The following ITGA9 variants were observed in gnomAD, a reference collection of about 807,000 sequenced individuals.
ITGA9 encodes the protein integrin alpha-9.
Under a neutral mutation model 127.8 loss-of-function variants are expected in ITGA9, and 56 were observed. That is an observed-to-expected ratio of 0.44 (90% confidence interval 0.35 to 0.55). ITGA9 has a LOEUF of 0.55. Ranked by LOEUF, ITGA9 falls within the 20% of genes least tolerant of loss-of-function variation. The pLI is 0.00. For synonymous variants in ITGA9, 508 were observed against 514.5 expected (o/e 0.99, Z 0.17); for missense variants, 1,196 against 1,347.1 (o/e 0.89, Z 1.76).
chr3:37,488,589 G>C (rs1698635165), intron 4 of ITGA9, among the ~76,000 whole-genome samples: 1 of 152,058 alleles, frequency 6.6e-6, no homozygotes, highest in Non-Finnish European at 1.5e-5. Context: ...CTGAAGTCAG[G>C]AGTTCGAGAC....
chr3:37,480,770 C>T (rs539818315), intron 3 of ITGA9, among the ~76,000 whole-genome samples: 76 of 152,300 alleles, frequency 5.0e-4, no homozygotes, highest in Middle Eastern at 6.8e-3. Context: ...CCTGTCAGCT[C>T]TGAAGCCACC....
intron 18 of ITGA9, among the ~76,000 whole-genome samples, chr3:37,703,661 AG>A (rs1252396413): frequency 2.0e-5 from 3 of 152,234 alleles, no homozygotes; most frequent in Non-Finnish European, 4.4e-5. Context: ...TGCAAAAATA[AG>A]CAGAAAGCTT....
intron 7 of ITGA9, among the ~76,000 whole-genome samples, chr3:37,508,159 C>T (rs1698864661): frequency 6.6e-6 from 1 of 152,174 alleles, no homozygotes; most frequent in South Asian, 2.1e-4. Context: ...GTTGTAATGC[C>T]TGGTAAAGTC....
intron 15 of ITGA9, among the ~76,000 whole-genome samples, chr3:37,580,940 A>G (rs1470423948): frequency 1.3e-5 from 2 of 152,194 alleles, no homozygotes; most frequent in Non-Finnish European, 2.9e-5. Flanking sequence ...GACTCTCTAG[A>G]ATCTCACCTG....
intron 17 of ITGA9, among the ~76,000 whole-genome samples, chr3:37,659,989 C>CACAA (rs1292824313): frequency 2.0e-5 from 3 of 151,250 alleles, no homozygotes; most frequent in Non-Finnish European, 4.4e-5. Flanking sequence ...ATGTAACACA[C>CACAA]ACACACACAC....
intron 14 of ITGA9, among the ~76,000 whole-genome samples, chr3:37,538,110 G>A (rs1021758293): frequency 4.7e-4 from 72 of 152,216 alleles, no homozygotes; most frequent in Non-Finnish European, 1.8e-4. Flanking sequence ...AGTGTGAAAC[G>A]AAAACCAGGA....
intron 8 of ITGA9, among the ~76,000 whole-genome samples, chr3:37,511,791 G>T (rs1265091994): frequency 6.6e-6 from 1 of 152,142 alleles, no homozygotes; most frequent in Non-Finnish European, 1.5e-5. Context: ...AAGCCCTCCT[G>T]TGACCCTGTT....
At chr3:37,550,371 T>C (rs1699367520) in intron 15 of ITGA9, among the ~76,000 whole-genome samples, 1 of 152,220 alleles carries the variant, frequency 6.6e-6, no homozygotes, top group South Asian at 2.1e-4. Flanking sequence ...GGACCTTCTC[T>C]GTGTTAAGCA....
intron 25 of ITGA9, among the ~76,000 whole-genome samples, chr3:37,782,083 G>GA: frequency 6.6e-6 from 1 of 152,346 alleles, no homozygotes; most frequent in African/African-American, 2.4e-5. Context: ...AGGGAGGCTG[G>GA]AAAACCCCAC....
At chr3:37,636,512 A>T (rs976667985) in intron 16 of ITGA9, among the ~76,000 whole-genome samples, 8 of 151,992 alleles carry the variant, frequency 5.3e-5, no homozygotes, top group African/African-American at 1.7e-4. Context: ...GTTTGAGTTC[A>T]TTGTAGATTC....
chr3:37,647,533 A>G (rs1700389689), intron 16 of ITGA9, among the ~76,000 whole-genome samples: 1 of 151,582 alleles, frequency 6.6e-6, no homozygotes. Flanking sequence ...AATATTGTCA[A>G]CATAGTCATC....
chr3:37,640,915 C>A (rs1216539042), intron 16 of ITGA9, among the ~76,000 whole-genome samples: 3 of 152,224 alleles, frequency 2.0e-5, no homozygotes, highest in African/African-American at 7.2e-5. Flanking sequence ...TGAGGCAGCA[C>A]TGGATCCTGC....
chr3:37,711,535 C>T (rs1412124158), intron 18 of ITGA9, among the ~76,000 whole-genome samples: 1 of 152,182 alleles, frequency 6.6e-6, no homozygotes, highest in Non-Finnish European at 1.5e-5. Flanking sequence ...TCTGGAGTAG[C>T]TGGGACTATA....
At chr3:37,473,213 A>G (rs1009809723) in intron 2 of ITGA9, 141 bp from the exon 3 acceptor site, 2 of 566,210 alleles carry the variant, frequency 3.5e-6, no homozygotes, top group Admixed American at 2.9e-5. Context: ...TGGATTAAAC[A>G]GTATAGTACA....
chr3:37,716,432 T>C (rs1022806632), intron 18 of ITGA9, among the ~76,000 whole-genome samples: 3 of 151,748 alleles, frequency 2.0e-5, no homozygotes, highest in African/African-American at 7.3e-5. Context: ...AAAACTATCC[T>C]GTAGAGGAGA....
intron 17 of ITGA9, among the ~76,000 whole-genome samples, chr3:37,675,867 C>T (rs1700676716): frequency 6.6e-6 from 1 of 151,000 alleles, no homozygotes; most frequent in Non-Finnish European, 1.5e-5. Flanking sequence ...CCTCAGCCTC[C>T]TAAGTAGCTG....
chr3:37,776,180 TG>T (rs1487410287), intron 23 of ITGA9, among the ~76,000 whole-genome samples: 1 of 152,118 alleles, frequency 6.6e-6, no homozygotes, highest in Admixed American at 6.6e-5. Flanking sequence ...GGAGTCTATT[TG>T]AGAATGGAGG....
At chr3:37,464,076 GA>G (rs959695949) in intron 1 of ITGA9, among the ~76,000 whole-genome samples, 2 of 151,816 alleles carry the variant, frequency 1.3e-5, no homozygotes, top group African/African-American at 4.8e-5. Flanking sequence ...TTTGAGGTTG[GA>G]TAGAGAGTTG....
chr3:37,573,595 TG>T (rs1343265525), intron 15 of ITGA9, among the ~76,000 whole-genome samples: 1 of 152,190 alleles, frequency 6.6e-6, no homozygotes, highest in Non-Finnish European at 1.5e-5. Context: ...GGCCTCTCAA[TG>T]TGGTCTTTCT....
Sources: allele counts gnomAD v4.1 joint callset (sites outside exome capture counted in the v4.1 genomes callset), GRCh38; gene constraint gnomAD v4.1.1; transcripts MANE v1.5; gene names NCBI Gene and HGNC (gene_info 2026-07-23, HGNC 2026-07-21).